Variants in SFSWAP observed in about 807,000 individuals in gnomAD.
SFSWAP encodes the protein splicing factor SWAP.
SFSWAP carries 17 observed loss-of-function variants against 100.7 expected under a neutral mutation model. That is an observed-to-expected ratio of 0.17 (90% CI 0.12 to 0.25). The LOEUF (loss-of-function observed/expected upper bound fraction) is 0.25. Ranked by LOEUF, SFSWAP falls within the 10% of genes least tolerant of loss-of-function variation. The pLI is 1.00. For missense variants in SFSWAP, 1,005 were observed against 1,262.6 expected (o/e 0.80, Z 3.09); for synonymous variants, 504 against 510.1 (o/e 0.99, Z 0.16).
chr12:131,783,792 T>TATATATATATATATATATATATATATA (rs1884672091), intron 14 of SFSWAP: 1 of 86,684 alleles, frequency 1.2e-5, no homozygotes, highest in Admixed American at 1.5e-4. Context: ...AAAAAACATT[T>TATATATATATATATATATATATATATA]TATATATATA....
intron 12 of SFSWAP, among the ~76,000 whole-genome samples, chr12:131,765,229 AAATT>A (rs1316909148): frequency 6.6e-6 from 1 of 152,266 alleles, no homozygotes; most frequent in Non-Finnish European, 1.5e-5. Flanking sequence ...ACTCCAGAAT[AAATT>A]CTGCTCTGCA....
chr12:131,754,562 T>TA (rs769048922), intron 9 of SFSWAP, 63 bp downstream of exon 9: 41 of 1,213,488 alleles, frequency 3.4e-5, no homozygotes, highest in African/African-American at 2.4e-4. Flanking sequence ...AGCCTTTTTT[T>TA]AAAAAAATGT....
chr12:131,792,742 A>G (rs1454950974), intron 15 of SFSWAP, among the ~76,000 whole-genome samples: 1 of 152,238 alleles, frequency 6.6e-6, no homozygotes, highest in Non-Finnish European at 1.5e-5. Context: ...TTCACAAAAT[A>G]TTAGCCAACT....
At chr12:131,754,569 A>T in intron 9 of SFSWAP, 70 bp downstream of exon 9, 1 of 1,130,166 alleles carries the variant, frequency 8.8e-7, no homozygotes, top group Non-Finnish European at 1.2e-6. Flanking sequence ...TTTTAAAAAA[A>T]TGTAGGTACA....
intron 11 of SFSWAP, among the ~76,000 whole-genome samples, chr12:131,758,729 T>C (rs533325953): frequency 6.6e-6 from 1 of 152,322 alleles, no homozygotes; most frequent in African/African-American, 2.4e-5. Context: ...GGCAGATCAC[T>C]TGAGTCCAGG....
At chr12:131,791,331 G>A (rs1462397131) in intron 15 of SFSWAP, among the ~76,000 whole-genome samples, 2 of 152,192 alleles carry the variant, frequency 1.3e-5, no homozygotes, top group African/African-American at 4.8e-5. Flanking sequence ...GGAGGCTGCA[G>A]TGAGCCAAGA....
intron 7 of SFSWAP, among the ~76,000 whole-genome samples, chr12:131,737,438 T>C (rs1258264000): frequency 6.6e-6 from 1 of 152,248 alleles, no homozygotes; most frequent in African/African-American, 2.4e-5. Context: ...TCTCAAAACA[T>C]GCAGATTGAC....
At chr12:131,740,346 G>A (rs1449379678) in intron 7 of SFSWAP, among the ~76,000 whole-genome samples, 3 of 152,190 alleles carry the variant, frequency 2.0e-5, no homozygotes, top group Non-Finnish European at 4.4e-5. Flanking sequence ...AAAGGGCGAG[G>A]CCAGCCCTGT....
At chr12:131,797,777 G>A (rs987609032) in intron 16 of SFSWAP, among the ~76,000 whole-genome samples, 5 of 152,216 alleles carry the variant, frequency 3.3e-5, no homozygotes, top group African/African-American at 9.6e-5. Flanking sequence ...ACCTGTCACC[G>A]GGCATCACAC....
At chr12:131,771,479 G>A (rs1322806886) in intron 13 of SFSWAP, among the ~76,000 whole-genome samples, 2 of 152,152 alleles carry the variant, frequency 1.3e-5, no homozygotes, top group East Asian at 1.9e-4. Context: ...ATACTGCTCA[G>A]TTGACCTCTG....
intron 7 of SFSWAP, among the ~76,000 whole-genome samples, chr12:131,748,379 G>A (rs891764249): frequency 2.0e-5 from 3 of 152,012 alleles, no homozygotes; most frequent in African/African-American, 7.2e-5. Context: ...AGGCTGGTCT[G>A]GAACTCCTGG....
At chr12:131,770,917 A>G (rs1010513755) in intron 13 of SFSWAP, among the ~76,000 whole-genome samples, 1 of 152,038 alleles carries the variant, frequency 6.6e-6, no homozygotes. Flanking sequence ...TGGGGACCGC[A>G]TGTGTGTGGG....
chr12:131,725,413 C>A lies in SFSWAP; in HGVS notation c.615C>A (p.Thr205=), dbSNP rs114853394. 5 of 1,613,944 alleles carry A rather than the reference C, an allele frequency of 3.1e-6. No homozygotes were observed. In the East Asian group the frequency reaches 8.9e-5, roughly 29 times the overall value. ...SVPSDVELPP[T]AKMHAIIERT... The stretch of plus-strand genomic sequence containing the variant: ...TGTGTGTTTTCCCGTAGCCACCAAC[C>A]GCTAAAATGCACGCCATCATCGAGC... The change falls in exon 5 of 18, where the codon ACC becomes ACA. Residue 205 remains threonine (T), a synonymous_variant. Coordinates refer to ENST00000261674, the MANE Select transcript of SFSWAP (RefSeq NM_004592.4). The surrounding 1 kb of genome is among the most constrained non-coding windows in gnomAD (Gnocchi z 4.3).
chr12:131,720,604 G>A (rs1398570086), intron 4 of SFSWAP, among the ~76,000 whole-genome samples: 4 of 152,204 alleles, frequency 2.6e-5, no homozygotes, highest in Non-Finnish European at 5.9e-5. Context: ...CTCACTGCAT[G>A]GTAGATGCCG....
In SFSWAP at chr12:131,730,904, G is replaced by C. The variant is rs773656413; in HGVS notation, c.1081+2476G>C. 7.7e-4 allele frequency among the ~76,000 whole-genome samples: 117 copies of C among 152,320 alleles called. No individual in the cohort carries two copies. Among genetic ancestry groups the C allele is most frequent in the Non-Finnish European group, 2.1e-4 (14 of 68,032 alleles). ...AAGAGTAGTGGATACACACATGTGA[G>C]AGTAAGGGTGCCTGGGGGCTGGTGA... On this transcript the variant is annotated intron_variant, in intron 7 of 17. Coordinates refer to ENST00000261674, the MANE Select transcript of SFSWAP (RefSeq NM_004592.4). This position sits in a 1 kb window ranked among gnomAD's most constrained non-coding sequence, Gnocchi z 4.0.
intron 15 of SFSWAP, among the ~76,000 whole-genome samples, chr12:131,792,151 TTAC>T (rs767855172): frequency 4.6e-5 from 6 of 131,468 alleles, no homozygotes; most frequent in Non-Finnish European, 8.0e-5. Flanking sequence ...TCACGGATCG[TTAC>T]TGTGTGTGCA....
chr12:131,789,299 T>C (rs1326305746), intron 15 of SFSWAP, among the ~76,000 whole-genome samples: 1 of 152,192 alleles, frequency 6.6e-6, no homozygotes, highest in Non-Finnish European at 1.5e-5. Flanking sequence ...GTAAACTGAT[T>C]ATTGCCTGAT....
intron 4 of SFSWAP, among the ~76,000 whole-genome samples, chr12:131,722,500 A>G (rs1878568680): frequency 1.3e-5 from 2 of 152,174 alleles, no homozygotes. Flanking sequence ...AACACATTTT[A>G]TGGAAAGTGG....
chr12:131,791,222 G>A (rs566667848), intron 15 of SFSWAP, among the ~76,000 whole-genome samples: 8 of 151,882 alleles, frequency 5.3e-5, no homozygotes, highest in South Asian at 2.1e-4. Context: ...GTGAAACCCC[G>A]TCACTACTAA....
Sources: allele counts gnomAD v4.1 joint callset (sites outside exome capture counted in the v4.1 genomes callset), GRCh38; gene constraint gnomAD v4.1.1; non-coding constraint Gnocchi (gnomAD v3.1); transcripts MANE v1.5; gene names NCBI Gene and HGNC (gene_info 2026-07-23, HGNC 2026-07-21).